ALDH1L2: variants seen among roughly 807,000 people sequenced by gnomAD.
ALDH1L2 encodes the protein mitochondrial 10-formyltetrahydrofolate dehydrogenase.
A neutral mutation model predicts 111.0 loss-of-function variants in ALDH1L2; 91 were observed. That is an observed-to-expected ratio of 0.82 (90% CI 0.69 to 0.98). The LOEUF is 0.98. Among genes scored for constraint, ALDH1L2 ranks in the 50% least tolerant of loss-of-function variants. ALDH1L2 has a pLI of 0.00. For synonymous variants in ALDH1L2, 374 were observed against 392.6 expected, an observed-to-expected ratio of 0.95 and a Z score of 0.56; for missense variants, 995 against 1,126.8, an observed-to-expected ratio of 0.88 and a Z score of 1.67.
At chr12:105,050,418 T>C (rs1876184490) in intron 12 of ALDH1L2, 1 of 198,662 alleles carries the variant, frequency 5.0e-6, no homozygotes. Flanking sequence ...CACAAAAATA[T>C]TTCCAAAACT....
chr12:105,083,980 C>G (rs1200233788), intron 1 of ALDH1L2, among the ~76,000 whole-genome samples: 1 of 152,144 alleles, frequency 6.6e-6, no homozygotes, highest in African/African-American at 2.4e-5. Context: ...CTTGATACTC[C>G]CCTCCTCCAG....
chr12:105,081,231 C>G (rs1051100098), intron 1 of ALDH1L2, among the ~76,000 whole-genome samples: 7 of 152,180 alleles, frequency 4.6e-5, no homozygotes, highest in African/African-American at 1.4e-4. Flanking sequence ...ATATGTAAAG[C>G]ATTTATTAAT....
intron 18 of ALDH1L2, among the ~76,000 whole-genome samples, chr12:105,035,246 A>G (rs1285690963): frequency 6.6e-6 from 1 of 152,144 alleles, no homozygotes; most frequent in African/African-American, 2.4e-5. Flanking sequence ...TTTAAATGTA[A>G]TAACTTGTAT....
In ALDH1L2 at chr12:105,021,603, T is replaced by C. The variant is rs998722059; in HGVS notation, c.*2821A>G. ...CTGTCTCAAAAAAAAAAAAAAGTAATAATGGCTTAGGGGTAGAGGTAGTAA... is the reference window on the plus strand; with the variant it reads ...CTGTCTCAAAAAAAAAAAAAAGTAACAATGGCTTAGGGGTAGAGGTAGTAA... On this transcript the variant is annotated 3_prime_UTR_variant, in exon 23 of 23. Transcript: ENST00000258494. 18 of 148,004 alleles carry C rather than the reference T, an allele frequency of 1.2e-4. No homozygotes were observed. Among genetic ancestry groups the C allele is most frequent in the African/African-American group, 4.3e-4 (17 of 39,700 alleles). The allele number at this position is 148,004 out of a possible 1,614,324, so 9.2% of individuals were successfully genotyped here.
rs1445088566 is a variant in ALDH1L2 at position 105,065,206 on chromosome 12, A to G, written c.786+61T>C. ...CATGGGAAGCCCAGATTTATCTGTA[A>G]TATCTCTTACAAAGGTAATAATCGG... On this transcript the variant is annotated intron_variant, in intron 6 of 22. Transcript: ENST00000258494. 4.3e-5 allele frequency: 44 copies of G among 1,016,856 alleles called. No homozygotes were observed. The South Asian group carries it at 4.7e-4, about 11-fold the overall frequency. 63.0% of individuals were successfully genotyped at this position (1,016,856 alleles called of 1,614,324 possible). A position where few individuals can be genotyped will look rare whatever the true frequency, so the allele number is the denominator to read the frequency against.
At chr12:105,067,337 C>T (rs1053314884) in intron 4 of ALDH1L2, among the ~76,000 whole-genome samples, 4 of 151,982 alleles carry the variant, frequency 2.6e-5, no homozygotes, top group Admixed American at 2.0e-4. Context: ...TATTGCCAAT[C>T]GAAGTCTGCA....
intron 22 of ALDH1L2, among the ~76,000 whole-genome samples, chr12:105,025,664 CA>C (rs1009030312): frequency 1.1e-4 from 16 of 152,210 alleles, no homozygotes; most frequent in African/African-American, 3.9e-4. Context: ...CAAAACAAAA[CA>C]AAAAAACTCC....
At chr12:105,070,413 A>G in intron 3 of ALDH1L2, 157 bp downstream of exon 3, 1 of 637,894 alleles carries the variant, frequency 1.6e-6, no homozygotes, top group East Asian at 2.7e-5. Flanking sequence ...CTGTGTAATT[A>G]AAAAAGTCTC....
chr12:105,047,707 C>T (rs970750786), intron 13 of ALDH1L2: 9 of 152,306 alleles, frequency 5.9e-5, no homozygotes, highest in Admixed American at 5.9e-4. Context: ...GAAAGCTATT[C>T]ATTTGCTTTG....
chr12:105,032,074 GTTT>G (rs201142279), intron 19 of ALDH1L2, 140 bp from the exon 20 acceptor site: 691 of 534,064 alleles, frequency 1.3e-3, no homozygotes, highest in East Asian at 2.4e-3. Flanking sequence ...TAGGTGGTTG[GTTT>G]TTTTTTTTTT....
intron 22 of ALDH1L2, among the ~76,000 whole-genome samples, chr12:105,025,767 G>A (rs1212346832): frequency 6.6e-6 from 1 of 152,198 alleles, no homozygotes; most frequent in African/African-American, 2.4e-5. Context: ...AGGGGAATAA[G>A]AGATGTGCTC....
At position 105,066,569 on chromosome 12, in the gene ALDH1L2, TCAG is replaced by T; in HGVS notation, c.692_694del (p.Ala231del). The stretch of plus-strand genomic sequence containing the variant: ...GTTATTGAGTTGATATATAAATACC[TCAG>T]CATTTTCCTTTTTCTGGATACCTTC... On this transcript the variant is annotated inframe_deletion and splice_region_variant, in exon 5 of 23. Transcript: ENST00000258494. The T allele has an allele frequency of 1.2e-6, 2 of 1,613,270 alleles. No individual in the cohort carries two copies. The highest frequency in any genetic ancestry group is 2.2e-5 in the South Asian group (2 of 91,042).
chr12:105,037,952 A>T, intron 18 of ALDH1L2, 151 bp downstream of exon 18: 1 of 533,236 alleles, frequency 1.9e-6, no homozygotes, highest in Non-Finnish European at 3.3e-6. Context: ...TTTTTACTAG[A>T]GACGGGGTTT....
intron 4 of ALDH1L2, among the ~76,000 whole-genome samples, chr12:105,067,073 G>T (rs1028320276): frequency 6.6e-6 from 1 of 151,934 alleles, no homozygotes; most frequent in Non-Finnish European, 1.5e-5. Context: ...AAAATCAGCC[G>T]GGCGTGGTGG....
intron 2 of ALDH1L2, chr12:105,072,206 T>G (rs1456289297): frequency 2.0e-5 from 3 of 148,068 alleles, no homozygotes; most frequent in African/African-American, 7.3e-5. Context: ...TATATACATT[T>G]TATAATATAT....
At chr12:105,029,087 C>T (rs1240932074) in intron 21 of ALDH1L2, among the ~76,000 whole-genome samples, 2 of 148,614 alleles carry the variant, frequency 1.3e-5, no homozygotes, top group South Asian at 2.1e-4. Flanking sequence ...AGTGCAGTGG[C>T]ACAATCATAG....
intron 2 of ALDH1L2, chr12:105,072,286 G>C (rs575801130): frequency 5.4e-5 from 8 of 149,290 alleles, no homozygotes; most frequent in Non-Finnish European, 1.0e-4. Flanking sequence ...GTTAATTTTA[G>C]GCAATTTCCA....
rs59767606 is a variant in ALDH1L2 at position 105,032,174 on chromosome 12, C to CT, written c.2245-241dup. On this transcript the variant is annotated intron_variant, in intron 19 of 22. Transcript: ENST00000258494. ...CATGGCTCACTGCAACCTCGAACTT[C>CT]TTTTTTTTTTTTTTTTTTTTTGAGG... Among the ~76,000 whole-genome samples the CT allele has an allele frequency of 8.0e-3, 846 of 105,954 alleles. 15 individuals carry two copies. Among genetic ancestry groups the CT allele is most frequent in the East Asian group, 0.075 (241 of 3,198 alleles). 69.5% of individuals were successfully genotyped at this position (105,954 alleles called of 152,430 possible).
chr12:105,084,084 C>T (rs945666191), intron 1 of ALDH1L2, among the ~76,000 whole-genome samples: 30 of 152,158 alleles, frequency 2.0e-4, no homozygotes, highest in African/African-American at 7.2e-4. Context: ...TCCTCCTTAC[C>T]AAGTGACTGT....
Sources: gnomAD v4.1 joint callset for allele counts (sites outside exome capture counted in the v4.1 genomes callset) on GRCh38, gnomAD v4.1.1 for gene constraint, MANE v1.5 for transcripts, NCBI Gene and HGNC (gene_info 2026-07-23, HGNC 2026-07-21) for gene names.